SAMMSON: variants seen among roughly 807,000 people sequenced by gnomAD.
SAMMSON encodes the protein long intergenic non-protein coding RNA 1212.
intron 3 of SAMMSON, among the ~76,000 whole-genome samples, chr3:70,021,696 A>G (rs1431180677): frequency 6.6e-6 from 1 of 152,120 alleles, no homozygotes; most frequent in Non-Finnish European, 1.5e-5. Flanking sequence ...ACCCATCATC[A>G]TTATATATTT....
At position 70,281,794 on chromosome 3, in the gene SAMMSON, C is replaced by T. The variant is rs73102663; in HGVS notation, n.675-9385C>T. ...TCTCTGATTCCAGCAGTTCAAAATT[C>T]TTGCACATATGAATCATAAGTGCAC... On this transcript the variant is annotated intron_variant and non_coding_transcript_variant, in intron 6 of 9. Transcript: ENST00000642114. 1.3e-3 allele frequency among the ~76,000 whole-genome samples: 201 copies of T among 152,254 alleles called. 1 individual carries two copies. The highest frequency in any genetic ancestry group is 2.2e-3 in the Non-Finnish European group (148 of 68,000).
At chr3:70,228,471 G>A (rs1402631818) in intron 4 of SAMMSON, among the ~76,000 whole-genome samples, 1 of 151,888 alleles carries the variant, frequency 6.6e-6, no homozygotes, top group Admixed American at 6.6e-5. Context: ...AATAGACTCT[G>A]TATTTTAATA....
At chr3:70,385,605 CTG>C (rs760806581) in intron 9 of SAMMSON, among the ~76,000 whole-genome samples, 3 of 152,018 alleles carry the variant, frequency 2.0e-5, no homozygotes, top group Non-Finnish European at 4.4e-5. Context: ...CCAGGACAGT[CTG>C]TGATTGGGTG....
At chr3:70,254,924 T>C (rs1701801084) in intron 6 of SAMMSON, among the ~76,000 whole-genome samples, 1 of 152,216 alleles carries the variant, frequency 6.6e-6, no homozygotes, top group Non-Finnish European at 1.5e-5. Flanking sequence ...AACATTCCTC[T>C]GTAATGGTTT....
chr3:70,000,653 A>G (rs963237702), intron 1 of SAMMSON, among the ~76,000 whole-genome samples: 1 of 152,172 alleles, frequency 6.6e-6, no homozygotes, highest in African/African-American at 2.4e-5. Flanking sequence ...AAGTCTGTTT[A>G]TTTTGTTTGA....
At chr3:70,224,599 C>T (rs1701487373) in intron 4 of SAMMSON, among the ~76,000 whole-genome samples, 1 of 152,164 alleles carries the variant, frequency 6.6e-6, no homozygotes, top group South Asian at 2.1e-4. Flanking sequence ...ACAACTGCCC[C>T]TTTGGCTTCT....
chr3:70,343,457 T>C (rs946281149), intron 7 of SAMMSON, among the ~76,000 whole-genome samples: 7 of 152,142 alleles, frequency 4.6e-5, no homozygotes, highest in East Asian at 1.9e-4. Context: ...TCTGGTTAGG[T>C]ATTTTGTAGA....
chr3:70,000,371 G>A (rs191917488), intron 1 of SAMMSON, among the ~76,000 whole-genome samples: 19 of 152,276 alleles, frequency 1.2e-4, no homozygotes, highest in Non-Finnish European at 2.4e-4. Context: ...TTGTGATAGA[G>A]ATAAAGTTAT....
rs186510733 is a variant in SAMMSON, at chr3:70,206,795, A to G, written n.508-42312A>G. 108 of 397,516 alleles carry G rather than the reference A, an allele frequency of 2.7e-4. 1 individual carries two copies. The highest frequency in any genetic ancestry group is 2.1e-3 in the African/African-American group (102 of 48,658). 24.6% of individuals were successfully genotyped at this position (397,516 alleles called of 1,614,324 possible). A position where few individuals can be genotyped will look rare whatever the true frequency, so the allele number is the denominator to read the frequency against. Reference sequence around the variant, plus strand: ...TTGCATTCGTGAGTTGCGTATCTAGAGGAAAAAAGAAAAAACACATACAGA... The same window carrying G: ...TTGCATTCGTGAGTTGCGTATCTAGGGGAAAAAAGAAAAAACACATACAGA... On this transcript the variant is annotated intron_variant and non_coding_transcript_variant, in intron 4 of 9. Transcript: ENST00000642114.
chr3:70,194,311 G>C (rs1211180663), intron 4 of SAMMSON, among the ~76,000 whole-genome samples: 1 of 152,128 alleles, frequency 6.6e-6, no homozygotes, highest in Non-Finnish European at 1.5e-5. Flanking sequence ...ATCTTTATTT[G>C]TAATCACAGG....
chr3:70,010,812 C>T (rs894099335), intron 1 of SAMMSON, among the ~76,000 whole-genome samples: 1 of 152,122 alleles, frequency 6.6e-6, no homozygotes, highest in Non-Finnish European at 1.5e-5. Context: ...GGCAAAGGAG[C>T]AGCAGGCACC....
intron 3 of SAMMSON, chr3:70,071,451 T>G (rs1050567411): frequency 8.6e-5 from 13 of 150,928 alleles, no homozygotes; most frequent in Middle Eastern, 3.4e-3. Context: ...GTTATGCTGG[T>G]TTTTTTTTCT....
At chr3:70,233,353 T>C (rs1701579163) in intron 4 of SAMMSON, among the ~76,000 whole-genome samples, 1 of 152,172 alleles carries the variant, frequency 6.6e-6, no homozygotes, top group East Asian at 1.9e-4. Context: ...CGTGGAATAA[T>C]GACCTGTGAC....
At chr3:70,075,543 T>C (rs2067245413) in intron 4 of SAMMSON, among the ~76,000 whole-genome samples, 1 of 152,168 alleles carries the variant, frequency 6.6e-6, no homozygotes, top group Non-Finnish European at 1.5e-5. Context: ...TGTTGAGTTT[T>C]GCCACTCTAA....
intron 4 of SAMMSON, among the ~76,000 whole-genome samples, chr3:70,182,115 A>G (rs1449093224): frequency 6.6e-6 from 1 of 152,096 alleles, no homozygotes; most frequent in African/African-American, 2.4e-5. Context: ...GCCTTCAGAA[A>G]GGGGCCTGGG....
At chr3:70,211,490 TCCC>T (rs1701347159) in intron 4 of SAMMSON, among the ~76,000 whole-genome samples, 1 of 95,806 alleles carries the variant, frequency 1.0e-5, no homozygotes, top group Non-Finnish European at 2.4e-5. Context: ...TCCTTTCCCT[TCCC>T]TTCCCTTCCC....
intron 6 of SAMMSON, among the ~76,000 whole-genome samples, chr3:70,273,396 A>G (rs1701993500): frequency 6.6e-6 from 1 of 152,234 alleles, no homozygotes; most frequent in Non-Finnish European, 1.5e-5. Flanking sequence ...GGGAAGTCTT[A>G]AAAGCTTCAG....
intron 6 of SAMMSON, among the ~76,000 whole-genome samples, chr3:70,285,355 A>G (rs2106686308): frequency 6.6e-6 from 1 of 151,688 alleles, no homozygotes; most frequent in South Asian, 2.1e-4. Flanking sequence ...ATGACTTCCA[A>G]TTTCATCCAT....
At chr3:70,408,192 G>A (rs1321339099) in intron 2 of SAMMSON, among the ~76,000 whole-genome samples, 1 of 152,210 alleles carries the variant, frequency 6.6e-6, no homozygotes, top group African/African-American at 2.4e-5. Context: ...AGGCCTGTGG[G>A]CCAGCGATGG....
Sources: gnomAD v4.1 joint callset for allele counts (sites outside exome capture counted in the v4.1 genomes callset) on GRCh38, gnomAD v4.1.1 for gene constraint, MANE v1.5 for transcripts, NCBI Gene and HGNC (gene_info 2026-07-23, HGNC 2026-07-21) for gene names.